GRIA4: variants seen among roughly 807,000 people sequenced by gnomAD.
GRIA4 encodes glutamate receptor 4.
GRIA4 carries 34 observed loss-of-function variants against 104.0 expected under a neutral mutation model. The observed-to-expected ratio is 0.33, with a 90% CI of 0.25 to 0.44. The LOEUF (loss-of-function observed/expected upper bound fraction) is 0.44. Among genes scored for constraint, GRIA4 ranks in the 20% least tolerant of loss-of-function variants. GRIA4 has a pLI of 1.00. For synonymous variants in GRIA4, 386 were observed against 381.9 expected, an observed-to-expected ratio of 1.01 and a Z score of -0.13; for missense variants, 750 against 1,096.5, an observed-to-expected ratio of 0.68 and a Z score of 4.46.
At chr11:105,779,660 T>G (rs1941631896) in intron 4 of GRIA4, among the ~76,000 whole-genome samples, 1 of 151,252 alleles carries the variant, frequency 6.6e-6, no homozygotes, top group Admixed American at 6.6e-5. Flanking sequence ...CAAAAAAAAC[T>G]ACTTGAAAGT....
chr11:105,862,576 G>A, intron 5 of GRIA4: 2 of 178,252 alleles, frequency 1.1e-5, no homozygotes, highest in Admixed American at 5.8e-5. Context: ...CATTTTTAGA[G>A]GCACACTTAC....
intron 3 of GRIA4, among the ~76,000 whole-genome samples, chr11:105,724,092 AG>A (rs1938020357): frequency 6.6e-6 from 1 of 152,118 alleles, no homozygotes; most frequent in South Asian, 2.1e-4. Context: ...ACGTCTATAG[AG>A]AACAGTATGG....
intron 3 of GRIA4, among the ~76,000 whole-genome samples, chr11:105,666,743 T>C (rs1440288769): frequency 6.6e-6 from 1 of 152,040 alleles, no homozygotes; most frequent in Admixed American, 6.6e-5. Context: ...CTTTCTTTTT[T>C]TCAACTTTTT....
intron 4 of GRIA4, among the ~76,000 whole-genome samples, chr11:105,783,744 T>TTGTGTGTGTGTGTGTG (rs56222983): frequency 9.6e-5 from 14 of 145,464 alleles, no homozygotes; most frequent in South Asian, 2.2e-4. Context: ...TGGATGTTAT[T>TTGTGTGTGTGTGTGTG]TGTGTGTGTG....
chr11:105,832,928 CA>C (rs1243382250), intron 4 of GRIA4, among the ~76,000 whole-genome samples: 1 of 151,988 alleles, frequency 6.6e-6, no homozygotes, highest in African/African-American at 2.4e-5. Flanking sequence ...ACAAATCTTA[CA>C]AGTATGAAAT....
chr11:105,696,892 A>G lies in GRIA4; in HGVS notation c.248-56089A>G, dbSNP rs111642225. On this transcript the variant is annotated intron_variant, in intron 3 of 16. Coordinates refer to ENST00000282499, the MANE Select transcript of GRIA4 (RefSeq NM_000829.4). ...CAATTCTTCTGCCTCAGCCCCCCAA[A>G]TAGCTGGGATTATAGGCACGTGCCA... Among the ~76,000 whole-genome samples the G allele has an allele frequency of 1.7e-3, 258 of 151,822 alleles. 4 individuals are homozygous for G. Among genetic ancestry groups the G allele is most frequent in the African/African-American group, 6.0e-3 (249 of 41,386 alleles).
chr11:105,968,947 C>T (rs750467490), intron 14 of GRIA4, among the ~76,000 whole-genome samples: 57 of 152,182 alleles, frequency 3.7e-4, no homozygotes, highest in Non-Finnish European at 2.9e-5. Context: ...GCAACAGCTG[C>T]AACCATCAAT....
At chr11:105,722,623 A>G (rs1937901522) in intron 3 of GRIA4, among the ~76,000 whole-genome samples, 1 of 152,150 alleles carries the variant, frequency 6.6e-6, no homozygotes, top group South Asian at 2.1e-4. Flanking sequence ...TCATAACTTT[A>G]CTGATACTAC....
chr11:105,680,984 G>T (rs552107062), intron 3 of GRIA4, among the ~76,000 whole-genome samples: 43 of 152,238 alleles, frequency 2.8e-4, no homozygotes, highest in Middle Eastern at 3.4e-3. Context: ...CGTGTGGACT[G>T]GGAAGCCCTC....
At chr11:105,821,677 T>C (rs1013257641) in intron 4 of GRIA4, among the ~76,000 whole-genome samples, 3 of 151,986 alleles carry the variant, frequency 2.0e-5, no homozygotes, top group African/African-American at 7.2e-5. Flanking sequence ...CCACCTCCAA[T>C]AGTAAGGATT....
At chr11:105,794,469 GTATGTATATATATATATATATATATA>G (rs1942374130) in intron 4 of GRIA4, among the ~76,000 whole-genome samples, 4 of 40,766 alleles carry the variant, frequency 9.8e-5, no homozygotes, top group East Asian at 8.5e-4. Flanking sequence ...GTGTGTATAT[GTATGTATATATATATATATATATATA>G]TATATATATA....
chr11:105,800,051 C>T (rs1351581022), intron 4 of GRIA4, among the ~76,000 whole-genome samples: 4 of 151,896 alleles, frequency 2.6e-5, no homozygotes, highest in Non-Finnish European at 5.9e-5. Flanking sequence ...TTTAAGCTGG[C>T]TTAGAAAGCA....
chr11:105,899,250 C>A (rs1366340104), intron 7 of GRIA4, among the ~76,000 whole-genome samples: 1 of 152,096 alleles, frequency 6.6e-6, no homozygotes, highest in African/African-American at 2.4e-5. Flanking sequence ...GGAATTTGGC[C>A]AGCTCAGCAT....
chr11:105,757,278 A>AG (rs1235532292), intron 4 of GRIA4, among the ~76,000 whole-genome samples: 2 of 152,138 alleles, frequency 1.3e-5, no homozygotes, highest in Non-Finnish European at 2.9e-5. Context: ...GAGGAGGCAA[A>AG]GGGAGGCGTG....
intron 3 of GRIA4, among the ~76,000 whole-genome samples, chr11:105,669,130 C>T (rs984744004): frequency 2.0e-5 from 3 of 151,946 alleles, no homozygotes; most frequent in African/African-American, 7.2e-5. Flanking sequence ...CTGCTTGTTT[C>T]TACCACGACT....
intron 3 of GRIA4, among the ~76,000 whole-genome samples, chr11:105,661,608 AT>A (rs1244775226): frequency 1.3e-5 from 2 of 151,708 alleles, no homozygotes; most frequent in Non-Finnish European, 3.0e-5. Flanking sequence ...TTCATGGTTA[AT>A]TTTTTATACA....
intron 3 of GRIA4, among the ~76,000 whole-genome samples, chr11:105,629,094 A>AAAT (rs72240427): frequency 6.6e-6 from 1 of 150,652 alleles, no homozygotes; most frequent in Non-Finnish European, 1.5e-5. Flanking sequence ...AAAAAAAAAA[A>AAAT]ATTAGCGTGG....
At chr11:105,944,582 TG>T (rs62733760) in intron 14 of GRIA4, among the ~76,000 whole-genome samples, 94,597 of 150,738 alleles carry the variant, frequency 0.63, 29,674 homozygotes, top group Middle Eastern at 0.69. Context: ...ACTACATAAA[TG>T]GAAAAAAAAA....
At chr11:105,617,276 A>C (rs1950624840) in intron 3 of GRIA4, among the ~76,000 whole-genome samples, 2 of 150,574 alleles carry the variant, frequency 1.3e-5, no homozygotes, top group African/African-American at 2.4e-5. Context: ...ATATCTTTTC[A>C]TATATATATA....
Sources: allele counts gnomAD v4.1 joint callset (sites outside exome capture counted in the v4.1 genomes callset), GRCh38; gene constraint gnomAD v4.1.1; transcripts MANE v1.5; gene names NCBI Gene and HGNC (gene_info 2026-07-23, HGNC 2026-07-21).